TUT4: variants seen among roughly 807,000 people sequenced by gnomAD.
The protein encoded by TUT4 is terminal uridylyltransferase 4.
Under a neutral mutation model 192.2 loss-of-function variants are expected in TUT4, and 36 were observed. The ratio of observed to expected loss-of-function variants is 0.19; its 90% CI spans 0.14 to 0.25. The LOEUF (loss-of-function observed/expected upper bound fraction) is 0.25. TUT4 is among the 10% of genes least tolerant of loss of function. TUT4 has a pLI of 1.00. For synonymous variants in TUT4, 618 were observed against 666.0 expected (o/e 0.93, Z 1.11); for missense variants, 1,493 against 1,957.2 (o/e 0.76, Z 4.47).
chr1:52,451,690 A>C (rs1659469031), intron 20 of TUT4, among the ~76,000 whole-genome samples: 1 of 152,088 alleles, frequency 6.6e-6, no homozygotes. Context: ...TAAAAATACA[A>C]AAATGAGCCG....
At chr1:52,491,961 G>T (rs1313746899) in intron 7 of TUT4, among the ~76,000 whole-genome samples, 2 of 152,078 alleles carry the variant, frequency 1.3e-5, no homozygotes, top group East Asian at 3.9e-4. Flanking sequence ...CATAAAGGAA[G>T]AAATAATCAA....
intron 20 of TUT4, among the ~76,000 whole-genome samples, chr1:52,454,526 G>T (rs554455046): frequency 6.6e-6 from 1 of 152,126 alleles, no homozygotes; most frequent in East Asian, 1.9e-4. Flanking sequence ...ACATCCACAC[G>T]CAAAACAATG....
At chr1:52,424,745 G>A (rs1442751827) in intron 29 of TUT4, 2 of 152,134 alleles carry the variant, frequency 1.3e-5, no homozygotes, top group Non-Finnish European at 2.9e-5. Context: ...CAAGTCCTAC[G>A]TTTACTAAAC....
chr1:52,523,283 G>A (rs1442112157), intron 2 of TUT4, among the ~76,000 whole-genome samples: 1 of 144,648 alleles, frequency 6.9e-6, no homozygotes, highest in Non-Finnish European at 1.5e-5. Flanking sequence ...ATGAGCCACC[G>A]CGCCTGGCCA....
At chr1:52,456,481 TAAAAATTAAAAAAAA>T (rs2148627745) in intron 20 of TUT4, among the ~76,000 whole-genome samples, 1 of 124,856 alleles carries the variant, frequency 8.0e-6, no homozygotes. Context: ...TCTGAACATT[TAAAAATTAAAAAAAA>T]AAAAGAAAGA....
At chr1:52,523,153 C>T (rs1488026617) in intron 2 of TUT4, among the ~76,000 whole-genome samples, 3 of 151,324 alleles carry the variant, frequency 2.0e-5, no homozygotes, top group Non-Finnish European at 4.4e-5. Context: ...CCACCACACC[C>T]GGCTGATTTT....
intron 16 of TUT4, chr1:52,463,873 A>G: frequency 9.6e-7 from 1 of 1,041,282 alleles, no homozygotes; most frequent in Middle Eastern, 2.5e-4. Context: ...TGGAACTCAG[A>G]AAGCTATCAG....
intron 16 of TUT4, 30 bp from the exon 17 acceptor site, chr1:52,461,799 A>G: frequency 8.3e-7 from 1 of 1,210,360 alleles, no homozygotes; most frequent in Non-Finnish European, 1.2e-6. Context: ...AATAAGTTTG[A>G]CTCAATTTCA....
chr1:52,449,833 G>T lies in TUT4; in HGVS notation c.3436-3166C>A, dbSNP rs892146158. On this transcript the variant is annotated intron_variant, in intron 20 of 29. Coordinates refer to ENST00000257177, the MANE Select transcript of TUT4 (RefSeq NM_001009881.3). ...CCACCACTCTACTTTCTGTCCCTAT[G>T]AATTTGACTACTCTAGGTACTTCAT... is the stretch of plus-strand genomic sequence containing the variant. Among the ~76,000 whole-genome samples the T allele has an allele frequency of 5.3e-5, 8 of 152,168 alleles. No individual in the cohort carries two copies. In the East Asian group the frequency reaches 1.5e-3, roughly 29 times the overall value.
chr1:52,489,404 T>C (rs1670595915), intron 8 of TUT4, among the ~76,000 whole-genome samples: 1 of 152,184 alleles, frequency 6.6e-6, no homozygotes, highest in Non-Finnish European at 1.5e-5. Context: ...GCAAGGTAAT[T>C]TCCTAGTTCA....
chr1:52,492,615 A>C (rs1191235569), intron 7 of TUT4, among the ~76,000 whole-genome samples: 1 of 152,240 alleles, frequency 6.6e-6, no homozygotes, highest in Admixed American at 6.5e-5. Context: ...GGCAGAACTA[A>C]AATCTGAGCC....
At chr1:52,552,510 C>G (rs1047995589) in intron 1 of TUT4, among the ~76,000 whole-genome samples, 1 of 152,192 alleles carries the variant, frequency 6.6e-6, no homozygotes, top group Admixed American at 6.5e-5. Context: ...TCACCTATGT[C>G]TAAGCAAGGG....
intron 1 of TUT4, among the ~76,000 whole-genome samples, chr1:52,536,018 A>G (rs1684806462): frequency 6.6e-6 from 1 of 152,228 alleles, no homozygotes; most frequent in Admixed American, 6.5e-5. Context: ...GCTGAGATGA[A>G]AAGACATTAG....
At chr1:52,451,502 A>G (rs1659408701) in intron 20 of TUT4, among the ~76,000 whole-genome samples, 1 of 152,182 alleles carries the variant, frequency 6.6e-6, no homozygotes, top group African/African-American at 2.4e-5. Flanking sequence ...AACACTATGA[A>G]CTACAATTTT....
At chr1:52,514,688 T>C (rs1678224073) in intron 3 of TUT4, 1 of 152,232 alleles carries the variant, frequency 6.6e-6, no homozygotes, top group Admixed American at 6.5e-5. Flanking sequence ...TACCATTTCT[T>C]TCCTTATTTA....
intron 28 of TUT4, among the ~76,000 whole-genome samples, chr1:52,428,777 G>A (rs550824613): frequency 3.3e-5 from 5 of 152,108 alleles, no homozygotes; most frequent in East Asian, 1.9e-4. Context: ...GCAACAGAGC[G>A]AGACTGTCTC....
intron 11 of TUT4, among the ~76,000 whole-genome samples, chr1:52,478,406 T>C (rs1667636032): frequency 6.6e-6 from 1 of 152,244 alleles, no homozygotes; most frequent in Admixed American, 6.5e-5. Flanking sequence ...CCTATGTCCC[T>C]GACATTGTTA....
chr1:52,533,883 T>C (rs1180744038), intron 1 of TUT4, among the ~76,000 whole-genome samples: 1 of 152,126 alleles, frequency 6.6e-6, no homozygotes, highest in Admixed American at 6.6e-5. Context: ...CAAAAATCGT[T>C]TGAACCTGGG....
chr1:52,521,672 CAA>C (rs901605615), intron 2 of TUT4, among the ~76,000 whole-genome samples: 5 of 145,152 alleles, frequency 3.4e-5, no homozygotes, highest in African/African-American at 1.3e-4. Flanking sequence ...CAAAAAACAA[CAA>C]AAAAAAGACA....
Sources: gnomAD v4.1 joint callset for allele counts (sites outside exome capture counted in the v4.1 genomes callset) on GRCh38, gnomAD v4.1.1 for gene constraint, MANE v1.5 for transcripts, NCBI Gene and HGNC (gene_info 2026-07-23, HGNC 2026-07-21) for gene names.